Variants in TEX11 observed in about 807,000 individuals in gnomAD.
TEX11 encodes testis expressed 11.
In TEX11, 7 loss-of-function variants were observed where a neutral mutation model predicts 84.4. The observed-to-expected ratio is 0.08, with a 90% CI of 0.05 to 0.16. The LOEUF (loss-of-function observed/expected upper bound fraction) is 0.16. TEX11 is among the 10% of genes least tolerant of loss of function. The pLI is 1.00. For missense variants in TEX11, 551 were observed against 660.5 expected (o/e 0.83, Z 1.82); for synonymous variants, 264 against 222.8 (o/e 1.18, Z -1.64).
At chrX:70,565,620 A>G (rs1413085762) in intron 25 of TEX11, among the ~76,000 whole-genome samples, 12 of 110,461 alleles carry the variant, frequency 1.1e-4, no homozygotes, top group Non-Finnish European at 2.1e-4. Flanking sequence ...CTTTCTACAT[A>G]TGGCTAGCCA....
At chrX:70,776,051 GA>G (rs150813306) in intron 9 of TEX11, among the ~76,000 whole-genome samples, 12,991 of 62,595 alleles carry the variant, frequency 0.21, 757 homozygotes, top group Middle Eastern at 0.44. Flanking sequence ...AGATTTCTCA[GA>G]AAAAAAAAAA....
intron 9 of TEX11, among the ~76,000 whole-genome samples, chrX:70,751,401 C>T (rs2090823538): frequency 1.0e-5 from 1 of 98,754 alleles, no homozygotes; most frequent in Admixed American, 1.2e-4. Flanking sequence ...CCAAACACCA[C>T]ATGTTCTCAC....
chrX:70,545,102 G>A (rs1437211672), intron 28 of TEX11, among the ~76,000 whole-genome samples: 1 of 109,348 alleles, frequency 9.1e-6, no homozygotes, highest in East Asian at 2.9e-4. Context: ...CTATTTGGGA[G>A]GCTGAAGCAG....
At chrX:70,580,614 T>C (rs1195698763) in intron 25 of TEX11, among the ~76,000 whole-genome samples, 2 of 112,495 alleles carry the variant, frequency 1.8e-5, no homozygotes, top group Non-Finnish European at 3.8e-5. Context: ...TTAAAAATAA[T>C]TTTTATTTAA....
At chrX:70,794,201 G>A (rs1344612995) in intron 9 of TEX11, among the ~76,000 whole-genome samples, 1 of 111,543 alleles carries the variant, frequency 9.0e-6, no homozygotes, top group Non-Finnish European at 1.9e-5. Flanking sequence ...GGGGGATAGA[G>A]AGTGCAATGA....
At chrX:70,750,965 T>TATATATATATAA (rs2090818710) in intron 9 of TEX11, among the ~76,000 whole-genome samples, 6 of 74,325 alleles carry the variant, frequency 8.1e-5, no homozygotes, top group Non-Finnish European at 1.4e-4. Context: ...TATATATATA[T>TATATATATATAA]AAAAGTCAGG....
At chrX:70,555,775 A>C (rs2088278856) in intron 25 of TEX11, among the ~76,000 whole-genome samples, 1 of 112,084 alleles carries the variant, frequency 8.9e-6, no homozygotes, top group African/African-American at 3.2e-5. Context: ...GAATTCTTCA[A>C]TGCAGTTTTC....
chrX:70,538,316 G>A (rs748614201), intron 28 of TEX11, among the ~76,000 whole-genome samples: 19 of 111,298 alleles, frequency 1.7e-4, no homozygotes, highest in Non-Finnish European at 3.0e-4. Flanking sequence ...TGTGTTTTAC[G>A]GAGATATATT....
chrX:70,699,471 C>T (rs1436932762), intron 13 of TEX11, among the ~76,000 whole-genome samples: 1 of 111,629 alleles, frequency 9.0e-6, no homozygotes, highest in African/African-American at 3.3e-5. Flanking sequence ...GAGACACCCG[C>T]GGCTAGCCGG....
the TEX11 span, among the ~76,000 whole-genome samples, chrX:70,518,275 C>T: frequency 3.6e-5 from 4 of 111,767 alleles, no homozygotes; most frequent in African/African-American, 1.3e-4. Context: ...TACAAGTTTG[C>T]CTCTACACAC....
chrX:70,828,269 A>C (rs2091357690), intron 8 of TEX11, among the ~76,000 whole-genome samples: 1 of 111,427 alleles, frequency 9.0e-6, no homozygotes, highest in South Asian at 3.7e-4. Context: ...GTTCTGCAGA[A>C]ACAGAGATAT....
chrX:70,630,782 A>G (rs964429825), intron 17 of TEX11, among the ~76,000 whole-genome samples: 14 of 112,210 alleles, frequency 1.2e-4, no homozygotes, highest in Admixed American at 2.8e-4. Flanking sequence ...CAAGAAATAC[A>G]CTTTAAATAT....
At chrX:70,676,562 C>T (rs755410431) in intron 15 of TEX11, among the ~76,000 whole-genome samples, 3 of 111,898 alleles carry the variant, frequency 2.7e-5, no homozygotes, top group Non-Finnish European at 5.6e-5. Context: ...ATTTTGATTA[C>T]GTGCGTTGGT....
At chrX:70,644,438 C>G (rs1271030531) in intron 17 of TEX11, among the ~76,000 whole-genome samples, 1 of 104,961 alleles carries the variant, frequency 9.5e-6, no homozygotes, top group African/African-American at 3.5e-5. Context: ...ACCCAAAGGA[C>G]TATAAATCAT....
chrX:70,873,580 G>A (rs1294283555), intron 3 of TEX11, among the ~76,000 whole-genome samples: 1 of 111,328 alleles, frequency 9.0e-6, no homozygotes, highest in South Asian at 3.8e-4. Context: ...TTGTTTTTAT[G>A]TAACTCAAAT....
intron 25 of TEX11, among the ~76,000 whole-genome samples, chrX:70,574,027 G>A (rs1276193711): frequency 2.7e-5 from 3 of 111,684 alleles, no homozygotes; most frequent in South Asian, 7.5e-4. Context: ...GGAGATAAGC[G>A]AAATTCTTCC....
At chrX:70,622,289 T>C (rs1426317425) in intron 20 of TEX11, among the ~76,000 whole-genome samples, 1 of 112,533 alleles carries the variant, frequency 8.9e-6, no homozygotes, top group Non-Finnish European at 1.9e-5. Context: ...GGTTCTAACC[T>C]CTACCTGAAA....
At chrX:70,734,837 C>A (rs2090683378) in intron 11 of TEX11, among the ~76,000 whole-genome samples, 1 of 111,373 alleles carries the variant, frequency 9.0e-6, no homozygotes. Flanking sequence ...GGAGCTTCCT[C>A]AACCTGACAA....
chrX:70,757,167 G>C (rs1222282063), intron 9 of TEX11, among the ~76,000 whole-genome samples: 1 of 112,033 alleles, frequency 8.9e-6, no homozygotes, highest in Non-Finnish European at 1.9e-5. Flanking sequence ...AACTGACGGG[G>C]AGAATGGATC....
Sources: gnomAD v4.1 joint callset for allele counts (sites outside exome capture counted in the v4.1 genomes callset) on GRCh38, gnomAD v4.1.1 for gene constraint, MANE v1.5 for transcripts, NCBI Gene and HGNC (gene_info 2026-07-23, HGNC 2026-07-21) for gene names.